The following NCOR2 variants were observed in gnomAD, a reference collection of about 807,000 sequenced individuals.
NCOR2 encodes the protein CTG repeat protein 26.
Under a neutral mutation model 262.9 loss-of-function variants are expected in NCOR2, and 81 were observed. That is an observed-to-expected ratio of 0.31 (90% CI 0.26 to 0.37). NCOR2 has a LOEUF of 0.37. Among genes scored for constraint, NCOR2 ranks in the 10% least tolerant of loss-of-function variants. The pLI is 1.00. For missense variants in NCOR2, 3,385 were observed against 3,621.4 expected (o/e 0.93, Z 1.68); for synonymous variants, 1,659 against 1,559.3 (o/e 1.06, Z -1.51).
At chr12:124,368,930 T>C (rs568020066) in intron 20 of NCOR2, among the ~76,000 whole-genome samples, 9 of 152,348 alleles carry the variant, frequency 5.9e-5, no homozygotes, top group African/African-American at 7.2e-5. Flanking sequence ...AAAGGTGAAA[T>C]TGCTGTTATG....
chr12:124,535,121 C>T (rs1045532013), intron 1 of NCOR2, among the ~76,000 whole-genome samples: 18 of 152,242 alleles, frequency 1.2e-4, no homozygotes, highest in African/African-American at 4.3e-4. Flanking sequence ...GCATGGGGAC[C>T]ACAGTGGTGG....
chr12:124,367,563 C>CG (rs772649627), intron 20 of NCOR2, among the ~76,000 whole-genome samples: 1 of 152,186 alleles, frequency 6.6e-6, no homozygotes, highest in Non-Finnish European at 1.5e-5. Flanking sequence ...GCTGGAGGAG[C>CG]GCCACCTCCA....
At chr12:124,331,956 C>G (rs2035239021) in intron 43 of NCOR2, 1 of 250,698 alleles carries the variant, frequency 4.0e-6, no homozygotes, top group Non-Finnish European at 7.9e-6. Flanking sequence ...CGTTCATACC[C>G]AGCAACCACG....
intron 24 of NCOR2, 196 bp from the exon 27 acceptor site, chr12:124,355,135 G>A: frequency 8.1e-6 from 5 of 617,746 alleles, no homozygotes; most frequent in Non-Finnish European, 1.4e-5. Context: ...TGCCCTCTGA[G>A]CCCCTTGCAT....
intron 10 of NCOR2, among the ~76,000 whole-genome samples, chr12:124,427,704 C>T (rs779801532): frequency 6.6e-6 from 1 of 152,204 alleles, no homozygotes; most frequent in Non-Finnish European, 1.5e-5. Context: ...GTCCCCTACA[C>T]CCCTGATACG....
At chr12:124,459,985 C>T (rs1593641213) in intron 5 of NCOR2, among the ~76,000 whole-genome samples, 1 of 152,224 alleles carries the variant, frequency 6.6e-6, no homozygotes, top group Non-Finnish European at 1.5e-5. Flanking sequence ...CATGCTCTCG[C>T]CTGCCTCTTG....
intron 1 of NCOR2, among the ~76,000 whole-genome samples, chr12:124,486,814 C>T (rs1030285485): frequency 5.3e-5 from 8 of 152,194 alleles, no homozygotes; most frequent in African/African-American, 1.9e-4. Context: ...CACAGCATCC[C>T]AGGGACCCAC....
At chr12:124,357,792 A>ATGTG (rs374836745) in intron 22 of NCOR2, among the ~76,000 whole-genome samples, 2 of 151,582 alleles carry the variant, frequency 1.3e-5, no homozygotes, top group Non-Finnish European at 2.9e-5. Flanking sequence ...GTAACCTGTG[A>ATGTG]TGTGTGTGTG....
intron 37 of NCOR2, among the ~76,000 whole-genome samples, chr12:124,339,141 A>G (rs2036168139): frequency 7.5e-6 from 1 of 133,140 alleles, no homozygotes; most frequent in Non-Finnish European, 1.6e-5. Context: ...CCACCCACCC[A>G]TCCATCCATC....
chr12:124,334,486 G>A (rs1485256492), exon 41 of NCOR2: 2 of 1,460,812 alleles, frequency 1.4e-6, no homozygotes, highest in African/African-American at 2.9e-5. Flanking sequence ...GGGGCGGGAG[G>A]TAGAGGTCAC....
intron 13 of NCOR2, among the ~76,000 whole-genome samples, chr12:124,413,079 C>G (rs2042672615): frequency 6.6e-6 from 1 of 152,246 alleles, no homozygotes; most frequent in Non-Finnish European, 1.5e-5. Context: ...GGCTTCCCCT[C>G]CCTCGGGATC....
chr12:124,339,616 C>A (rs1305649838), intron 37 of NCOR2, among the ~76,000 whole-genome samples: 2 of 94,002 alleles, frequency 2.1e-5, no homozygotes, highest in African/African-American at 3.1e-5. Flanking sequence ...ACCCACCTAC[C>A]CACCTAACCC....
intron 16 of NCOR2, among the ~76,000 whole-genome samples, chr12:124,396,230 G>A (rs900911190): frequency 6.6e-6 from 1 of 152,306 alleles, no homozygotes; most frequent in African/African-American, 2.4e-5. Context: ...TCCATCTGGG[G>A]TGAGAAAAAG....
At chr12:124,524,806 G>A (rs2018254) in intron 1 of NCOR2, among the ~76,000 whole-genome samples, 7,825 of 152,302 alleles carry the variant, frequency 0.051, 268 homozygotes, top group Non-Finnish European at 0.081. Context: ...CCAGGTGAAT[G>A]CCTGAACCTC....
intron 16 of NCOR2, among the ~76,000 whole-genome samples, chr12:124,397,351 C>A (rs1006671716): frequency 2.6e-5 from 4 of 152,238 alleles, no homozygotes; most frequent in African/African-American, 9.6e-5. Flanking sequence ...AACAGACGGG[C>A]AAACCGAGGC....
intron 22 of NCOR2, among the ~76,000 whole-genome samples, chr12:124,357,316 C>T (rs1171306940): frequency 6.6e-6 from 1 of 152,178 alleles, no homozygotes; most frequent in Non-Finnish European, 1.5e-5. Flanking sequence ...CCATGCCTGG[C>T]TAATTTGTTT....
chr12:124,326,570 G>C (rs2034665909), intron 45 of NCOR2, among the ~76,000 whole-genome samples, 200 bp from the exon 48 acceptor site: 1 of 152,184 alleles, frequency 6.6e-6, no homozygotes, highest in South Asian at 2.1e-4. Context: ...CATGAGCCTG[G>C]AGGGTGGAGA....
chr12:124,360,396 G>A (rs559247219), intron 22 of NCOR2, among the ~76,000 whole-genome samples: 1 of 152,318 alleles, frequency 6.6e-6, no homozygotes, highest in African/African-American at 2.4e-5. Flanking sequence ...CCACCTCCAC[G>A]GCCACCTGTG....
At chr12:124,355,921 C>A (rs906442382) in intron 23 of NCOR2, among the ~76,000 whole-genome samples, 1 of 152,208 alleles carries the variant, frequency 6.6e-6, no homozygotes, top group Non-Finnish European at 1.5e-5. Flanking sequence ...CTGGTGCACA[C>A]CCTCCCTGTG....
Sources: allele counts gnomAD v4.1 joint callset (sites outside exome capture counted in the v4.1 genomes callset), GRCh38; gene constraint gnomAD v4.1.1; transcripts MANE v1.5; gene names NCBI Gene and HGNC (gene_info 2026-07-23, HGNC 2026-07-21).